The following CDH4 variants were observed in gnomAD, a reference collection of about 807,000 sequenced individuals.
The protein encoded by CDH4 is cadherin 4.
CDH4 carries 33 observed loss-of-function variants against 86.0 expected under a neutral mutation model. That is an observed-to-expected ratio of 0.38 (90% CI 0.29 to 0.51). The LOEUF (loss-of-function observed/expected upper bound fraction) is 0.51. Ranked by LOEUF, CDH4 falls within the 20% of genes least tolerant of loss-of-function variation. CDH4 has a pLI of 0.86. For missense variants in CDH4, 1,114 were observed against 1,307.4 expected (o/e 0.85, Z 2.28); for synonymous variants, 555 against 549.4 (o/e 1.01, Z -0.14).
intron 2 of CDH4, among the ~76,000 whole-genome samples, chr20:61,636,096 C>A (rs369574142): frequency 2.6e-5 from 4 of 152,346 alleles, no homozygotes; most frequent in Non-Finnish European, 4.4e-5. Context: ...CACCGTGGGT[C>A]ATTCTTCCGA....
chr20:61,630,983 C>T (rs890212075), intron 2 of CDH4, among the ~76,000 whole-genome samples: 2 of 152,154 alleles, frequency 1.3e-5, no homozygotes, highest in Non-Finnish European at 2.9e-5. Flanking sequence ...AGGAGGTGGG[C>T]GTGCCCCAGG....
At chr20:61,259,999 G>C (rs896591328) in intron 2 of CDH4, among the ~76,000 whole-genome samples, 1 of 152,196 alleles carries the variant, frequency 6.6e-6, no homozygotes, top group South Asian at 2.1e-4. Context: ...GTCCCAGAAG[G>C]CATCCTCAAA....
rs1318762073 is a variant in CDH4, at chr20:61,811,176, A to AG, written c.577-33491dup. Among the ~76,000 whole-genome samples, 1 of 152,048 alleles carries AG rather than the reference A, an allele frequency of 6.6e-6. No individual in the cohort carries two copies. The highest frequency in any genetic ancestry group is 1.9e-4 in the East Asian group (1 of 5,182). Reference sequence around the variant, plus strand: ...AAACCAAACATCCCCAAACTCTTAGAGAAAAAAAAAATGCAATCCCTGCTG... The same window carrying AG: ...AAACCAAACATCCCCAAACTCTTAGAGGAAAAAAAAAATGCAATCCCTGCTG... On this transcript the variant is annotated intron_variant, in intron 4 of 15. Coordinates refer to ENST00000614565, the MANE Select transcript of CDH4 (RefSeq NM_001794.5). This position sits in a 1 kb window ranked among gnomAD's most constrained non-coding sequence, Gnocchi z 4.4.
rs182616467 is a variant in CDH4 at position 61,798,301 on chromosome 20, G to A, written c.576+25119G>A. 3.2e-3 allele frequency among the ~76,000 whole-genome samples: 481 copies of A among 152,176 alleles called. 4 individuals are homozygous for A. Among genetic ancestry groups the A allele is most frequent in the African/African-American group, 0.011 (438 of 41,518 alleles). On this transcript the variant is annotated intron_variant, in intron 4 of 15. Transcript: ENST00000614565. ...GTGGTCCCGCCTCGCACGCATCCCCGCTGTGGGCGGCCCCTCGCTGCGCCT... is the reference window on the plus strand; with the variant it reads ...GTGGTCCCGCCTCGCACGCATCCCCACTGTGGGCGGCCCCTCGCTGCGCCT...
rs79208340 is a variant in CDH4, at chr20:61,546,177, G to T, written c.170-197386G>T. On this transcript the variant is annotated intron_variant, in intron 2 of 15. Coordinates refer to ENST00000614565, the MANE Select transcript of CDH4 (RefSeq NM_001794.5). ...TCGTGAGGGTGTGTGCCTGTGTGTG[G>T]GGGTATGTGGGATACGGTATTCACA... Among the ~76,000 whole-genome samples, 704 of 143,528 alleles carry T rather than the reference G, an allele frequency of 4.9e-3. 7 individuals are homozygous for T. Among genetic ancestry groups the T allele is most frequent in the African/African-American group, 0.017 (667 of 38,664 alleles). The allele number at this position is 143,528 out of a possible 152,430, so 94.2% of individuals were successfully genotyped here. A position where few individuals can be genotyped will look rare whatever the true frequency, so the allele number is the denominator to read the frequency against.
intron 2 of CDH4, among the ~76,000 whole-genome samples, chr20:61,446,154 G>A (rs2085349130): frequency 6.6e-6 from 1 of 152,192 alleles, no homozygotes; most frequent in Non-Finnish European, 1.5e-5. Flanking sequence ...AGATGACCTT[G>A]GAACCAGACT....
chr20:61,923,332 C>T (rs1458480755), intron 9 of CDH4, 119 bp from the exon 10 acceptor site: 1 of 979,398 alleles, frequency 1.0e-6, no homozygotes. Context: ...AAGAGCAGAG[C>T]AGAGAAGAGC....
At chr20:61,926,812 G>T (rs112980804) in intron 11 of CDH4, among the ~76,000 whole-genome samples, 6 of 152,344 alleles carry the variant, frequency 3.9e-5, no homozygotes, top group African/African-American at 1.4e-4. Flanking sequence ...GGCAGAGGTT[G>T]CAGTGAGCCA....
Position 61,377,896 on chromosome 20 carries a change from T to G in CDH4, c.169+122959T>G, listed in dbSNP as rs2084880815. On this transcript the variant is annotated intron_variant, in intron 2 of 15. Transcript: ENST00000614565. This position sits in a 1 kb window ranked among gnomAD's most constrained non-coding sequence, Gnocchi z 4.0. ...AGCGGGGAATTAGCTCACACATCCC[T>G]TCATGTGCCGTGATGTTGACTCACG... 6.6e-6 allele frequency among the ~76,000 whole-genome samples: 1 copy of G among 152,206 alleles called. No homozygotes were observed. The highest frequency in any genetic ancestry group is 1.5e-5 in the Non-Finnish European group (1 of 68,040).
chr20:61,719,041 C>T (rs758438635), intron 2 of CDH4: 9 of 471,064 alleles, frequency 1.9e-5, no homozygotes, highest in Non-Finnish European at 4.0e-5. Context: ...AGAGAAGGAC[C>T]CTCCCTGGCC....
intron 2 of CDH4, among the ~76,000 whole-genome samples, chr20:61,256,987 G>C (rs574191140): frequency 1.3e-5 from 2 of 152,228 alleles, no homozygotes; most frequent in African/African-American, 4.8e-5. Context: ...ATTTCTCTCT[G>C]TACGCAGAGT....
chr20:61,874,546 G>A (rs1983938797), intron 7 of CDH4, among the ~76,000 whole-genome samples: 1 of 152,188 alleles, frequency 6.6e-6, no homozygotes, highest in African/African-American at 2.4e-5. Flanking sequence ...GAGGCCCTGG[G>A]CGGTGGGTGA....
chr20:61,758,469 T>G (rs1052368491), intron 3 of CDH4, among the ~76,000 whole-genome samples: 1 of 152,108 alleles, frequency 6.6e-6, no homozygotes, highest in Non-Finnish European at 1.5e-5. Flanking sequence ...AATCGGAGGC[T>G]CAAGGGCTTT....
chr20:61,679,736 G>A (rs2087488411), intron 2 of CDH4, among the ~76,000 whole-genome samples: 1 of 152,234 alleles, frequency 6.6e-6, no homozygotes, highest in Admixed American at 6.5e-5. Context: ...TGGCCCCTGT[G>A]TGTAGCTCCC....
intron 2 of CDH4, among the ~76,000 whole-genome samples, chr20:61,606,869 C>T (rs761757136): frequency 1.1e-4 from 16 of 152,260 alleles, no homozygotes; most frequent in Non-Finnish European, 2.2e-4. Context: ...ACACTGTCCC[C>T]TCCAGACCAG....
At chr20:61,625,132 C>A (rs2086818192) in intron 2 of CDH4, among the ~76,000 whole-genome samples, 1 of 152,122 alleles carries the variant, frequency 6.6e-6, no homozygotes, top group South Asian at 2.1e-4. Context: ...GTGTAAGAAT[C>A]CCCACAAAAC....
rs531468356 is a variant in CDH4 at position 61,735,084 on chromosome 20, G to A, written c.170-8479G>A. 9.9e-5 allele frequency among the ~76,000 whole-genome samples: 15 copies of A among 152,230 alleles called. No individual in the cohort carries two copies. The East Asian group carries it at 2.1e-3, about 22-fold the overall frequency. On this transcript the variant is annotated intron_variant, in intron 2 of 15. Transcript: ENST00000614565. The stretch of plus-strand genomic sequence containing the variant: ...GAGGGGCCAGAAAGAGAGAGGGGTC[G>A]TGGAGGAGGGACCCTGCCCTGGGCT...
In CDH4 at chr20:61,924,614, G is replaced by T. The variant is rs547495232; in HGVS notation, c.1771+138G>T. 72 of 913,276 alleles carry T rather than the reference G, an allele frequency of 7.9e-5. No homozygotes were observed. In the African/African-American group the frequency reaches 1.0e-3, roughly 13 times the overall value. 56.6% of individuals were successfully genotyped at this position (913,276 alleles called of 1,614,324 possible). A position where few individuals can be genotyped will look rare whatever the true frequency, so the allele number is the denominator to read the frequency against. On this transcript the variant is annotated intron_variant, in intron 11 of 15. Coordinates refer to ENST00000614565, the MANE Select transcript of CDH4 (RefSeq NM_001794.5). Reference sequence around the variant, plus strand: ...AGGGTCACCCAGAGGGGCTGAGGGGGCATCTGTGCAGACACCGGTGATCAG... The same window carrying T: ...AGGGTCACCCAGAGGGGCTGAGGGGTCATCTGTGCAGACACCGGTGATCAG...
chr20:61,867,920 G>T (rs142044801), intron 6 of CDH4, among the ~76,000 whole-genome samples: 307 of 152,314 alleles, frequency 2.0e-3, no homozygotes, highest in African/African-American at 7.1e-3. Context: ...ATCTCAGAAC[G>T]TCCAGGCTCT....
Sources: allele counts gnomAD v4.1 joint callset (sites outside exome capture counted in the v4.1 genomes callset), GRCh38; gene constraint gnomAD v4.1.1; non-coding constraint Gnocchi (gnomAD v3.1); transcripts MANE v1.5; gene names NCBI Gene and HGNC (gene_info 2026-07-23, HGNC 2026-07-21).